TRAF2: variants seen among roughly 807,000 people sequenced by gnomAD.
TRAF2 encodes TNF receptor associated factor 2.
TRAF2 carries 6 observed loss-of-function variants against 55.6 expected under a neutral mutation model. The observed-to-expected ratio is 0.11, with a 90% CI of 0.06 to 0.21. The LOEUF is 0.21. Among genes scored for constraint, TRAF2 ranks in the 10% least tolerant of loss-of-function variants. The pLI is 1.00. For synonymous variants in TRAF2, 329 were observed against 276.3 expected (o/e 1.19, Z -1.89); for missense variants, 561 against 684.5 (o/e 0.82, Z 2.01).
intron 4 of TRAF2, 120 bp downstream of exon 4, chr9:136,900,640 G>C (rs932596825): frequency 1.2e-6 from 1 of 808,598 alleles, no homozygotes; most frequent in South Asian, 1.4e-5. Flanking sequence ...AAGCCTGTCT[G>C]ATGTCTGTGG....
intron 5 of TRAF2, 135 bp from the exon 6 acceptor site, chr9:136,909,785 T>G (rs1850056879): frequency 2.4e-6 from 2 of 817,588 alleles, no homozygotes; most frequent in African/African-American, 3.4e-5. Flanking sequence ...GGAGGAGCAC[T>G]GTCCTTCGAG....
At chr9:136,887,270 A>G (rs1480485258) in intron 1 of TRAF2, among the ~76,000 whole-genome samples, 5 of 152,210 alleles carry the variant, frequency 3.3e-5, no homozygotes, top group African/African-American at 1.2e-4. Context: ...GAGCCGAGAA[A>G]AAGAGGAGTT....
chr9:136,884,565 AG>A (rs1258649818), upstream of TRAF2, among the ~76,000 whole-genome samples: 2 of 62,350 alleles, frequency 3.2e-5, no homozygotes, highest in African/African-American at 1.6e-4. Context: ...GTCTCAAAAA[AG>A]AAAAAAAAGA....
chr9:136,908,022 C>G lies in TRAF2; in HGVS notation c.367-48C>G, dbSNP rs367617380. On this transcript the variant is annotated intron_variant, in intron 4 of 10. Transcript: ENST00000247668. ...GTCCCCGGGTGAAGCTGTGGCTGCC[C>G]AAATGTCCCACGCGAGTTCTACTGA... 937 of 1,561,144 alleles carry G rather than the reference C, an allele frequency of 6.0e-4. 2 individuals carry two copies. The highest frequency in any genetic ancestry group is 7.6e-4 in the Non-Finnish European group (880 of 1,159,076).
In TRAF2 at chr9:136,908,241, G is replaced by T. The variant is rs1467367279; in HGVS notation, c.528+10G>T. ...CGGAGCAGACGTGAAGGTGCGTGGG[G>T]TGGAGCAGCAGCCTGTGTGGCTGCA... On this transcript the variant is annotated intron_variant, in intron 5 of 10. Coordinates refer to ENST00000247668, the MANE Select transcript of TRAF2 (RefSeq NM_021138.4). 3 of 1,563,094 alleles carry T rather than the reference G, an allele frequency of 1.9e-6. No homozygotes were observed. The East Asian group carries it at 7.0e-5, about 37-fold the overall frequency.
chr9:136,890,805 T>C (rs1299975496), intron 1 of TRAF2, among the ~76,000 whole-genome samples: 1 of 152,234 alleles, frequency 6.6e-6, no homozygotes, highest in Non-Finnish European at 1.5e-5. Context: ...TGTCTGGGGT[T>C]GTGTTTTCAT....
At chr9:136,882,712 T>C (rs529226852), upstream of TRAF2, 61 of 985,198 alleles carry the variant, frequency 6.2e-5, no homozygotes, top group Middle Eastern at 5.2e-4. Flanking sequence ...ATGGCCAGAG[T>C]GAGTCACCCC....
At chr9:136,913,116 C>G (rs1253761250) in intron 6 of TRAF2, among the ~76,000 whole-genome samples, 1 of 152,062 alleles carries the variant, frequency 6.6e-6, no homozygotes, top group African/African-American at 2.4e-5. Flanking sequence ...GCGCTCCAGC[C>G]TGGGCCACAG....
intron 6 of TRAF2, 181 bp downstream of exon 6, chr9:136,910,175 C>A: frequency 1.5e-6 from 1 of 663,270 alleles, no homozygotes. Context: ...CTGAGTGGGC[C>A]GGGGGCCAGG....
intron 7 of TRAF2, among the ~76,000 whole-genome samples, chr9:136,919,285 T>C (rs1053971689): frequency 6.4e-5 from 9 of 141,228 alleles, no homozygotes; most frequent in Non-Finnish European, 1.2e-4. Flanking sequence ...TCTCTGGAAC[T>C]TGTGGGTGGC....
upstream of TRAF2, among the ~76,000 whole-genome samples, chr9:136,884,481 AC>A (rs1452307920): frequency 6.6e-6 from 1 of 151,916 alleles, no homozygotes; most frequent in Non-Finnish European, 1.5e-5. Flanking sequence ...AATTTCTTGA[AC>A]CCGGGAGGCA....
At position 136,900,539 on chromosome 9, in the gene TRAF2, G is replaced by A. The variant is rs200869857; in HGVS notation, c.366+19G>A. On this transcript the variant is annotated intron_variant, in intron 4 of 10. Coordinates refer to ENST00000247668, the MANE Select transcript of TRAF2 (RefSeq NM_021138.4). ...ATACGAGGTAAAGATGCCTGCGTGTGGCATGGTGACAGAAGCTCCAGCAGT... is the reference window on the plus strand; with the variant it reads ...ATACGAGGTAAAGATGCCTGCGTGTAGCATGGTGACAGAAGCTCCAGCAGT... 12 of 1,606,492 alleles carry A rather than the reference G, an allele frequency of 7.5e-6. No individual in the cohort carries two copies. In the African/African-American group the frequency reaches 1.2e-4, roughly 16 times the overall value.
At chr9:136,901,815 CTGTG>C (rs1032010649) in intron 4 of TRAF2, 2 of 152,284 alleles carry the variant, frequency 1.3e-5, no homozygotes, top group African/African-American at 4.8e-5. Context: ...ACCTGCATTA[CTGTG>C]TGTTTCTCCT....
At chr9:136,904,887 C>T (rs1013738503) in intron 4 of TRAF2, among the ~76,000 whole-genome samples, 23 of 151,930 alleles carry the variant, frequency 1.5e-4, no homozygotes, top group African/African-American at 4.8e-4. Context: ...GAGTGCAAGG[C>T]GCTGTTGGGT....
At chr9:136,916,456 CTG>C (rs1009182895) in intron 6 of TRAF2, 83 bp from the exon 7 acceptor site, 46 of 1,400,002 alleles carry the variant, frequency 3.3e-5, no homozygotes, top group South Asian at 5.8e-5. Context: ...CATGTAACCT[CTG>C]TGTCAGTCAG....
At chr9:136,883,838 T>G (rs1164710129), upstream of TRAF2, among the ~76,000 whole-genome samples, 1 of 149,684 alleles carries the variant, frequency 6.7e-6, no homozygotes, top group Admixed American at 6.7e-5. Context: ...TTTTTTTTTT[T>G]TTGAGATGGA....
upstream of TRAF2, among the ~76,000 whole-genome samples, chr9:136,885,307 CCTT>C (rs1484828742): frequency 6.6e-6 from 1 of 152,144 alleles, no homozygotes; most frequent in African/African-American, 2.4e-5. Context: ...GTGAACGTTT[CCTT>C]CTCTGCAAAG....
intron 4 of TRAF2, among the ~76,000 whole-genome samples, chr9:136,903,532 A>G (rs1849870717): frequency 2.2e-5 from 2 of 91,312 alleles, no homozygotes; most frequent in East Asian, 3.9e-4. Flanking sequence ...CTGAATAAAT[A>G]TTGATTTTTT....
At chr9:136,903,390 GAGGACAT>G (rs2131298841) in intron 4 of TRAF2, among the ~76,000 whole-genome samples, 1 of 152,320 alleles carries the variant, frequency 6.6e-6, no homozygotes, top group Admixed American at 6.5e-5. Context: ...ACTTTCCAGA[GAGGACAT>G]AGGCTGGCTG....
Sources: allele counts gnomAD v4.1 joint callset (sites outside exome capture counted in the v4.1 genomes callset), GRCh38; gene constraint gnomAD v4.1.1; transcripts MANE v1.5; gene names NCBI Gene and HGNC (gene_info 2026-07-23, HGNC 2026-07-21).